The following CTNNA3 variants were observed in gnomAD, a reference collection of about 807,000 sequenced individuals.
CTNNA3 encodes the protein catenin alpha 3.
In CTNNA3, 76 loss-of-function variants were observed where a neutral mutation model predicts 95.7. The ratio of observed to expected loss-of-function variants is 0.79; its 90% CI spans 0.66 to 0.96. CTNNA3 has a LOEUF of 0.96. Ranked by LOEUF, CTNNA3 falls within the 40% of genes least tolerant of loss-of-function variation. The probability of loss-of-function intolerance (pLI) is 0.00; values close to 1 mark genes in which losing one functional copy is unlikely to be tolerated. For synonymous variants in CTNNA3, 431 were observed against 374.4 expected (o/e 1.15, Z -1.74); for missense variants, 1,191 against 1,089.8 (o/e 1.09, Z -1.31).
At chr10:66,751,318 C>A (rs1009825152) in intron 9 of CTNNA3, among the ~76,000 whole-genome samples, 4 of 152,122 alleles carry the variant, frequency 2.6e-5, no homozygotes, top group African/African-American at 9.7e-5. Context: ...TATAGGAAAG[C>A]AATTGACTTT....
At chr10:66,767,532 T>C in intron 8 of CTNNA3, among the ~76,000 whole-genome samples, 1 of 152,096 alleles carries the variant, frequency 6.6e-6, no homozygotes, top group East Asian at 1.9e-4. Flanking sequence ...CAAAGGTTTT[T>C]GAGTCAAGAC....
chr10:66,384,468 T>A (rs1414610451), intron 11 of CTNNA3, among the ~76,000 whole-genome samples: 1 of 152,090 alleles, frequency 6.6e-6, no homozygotes, highest in Non-Finnish European at 1.5e-5. Context: ...ACAAAAAGAC[T>A]TAGACTCTCA....
intron 5 of CTNNA3, among the ~76,000 whole-genome samples, chr10:67,258,811 T>C (rs901283581): frequency 1.3e-5 from 2 of 152,148 alleles, no homozygotes; most frequent in African/African-American, 4.8e-5. Flanking sequence ...TGTTCAAATA[T>C]TCCCTCAAGA....
intron 15 of CTNNA3, among the ~76,000 whole-genome samples, chr10:66,023,391 T>G (rs2079262712): frequency 9.5e-6 from 1 of 105,540 alleles, no homozygotes; most frequent in South Asian, 3.9e-4. Context: ...GAGTTTTAAG[T>G]GGCAAACAGA....
At chr10:66,188,682 T>C (rs2086477110) in intron 13 of CTNNA3, among the ~76,000 whole-genome samples, 2 of 151,450 alleles carry the variant, frequency 1.3e-5, no homozygotes, top group African/African-American at 4.8e-5. Flanking sequence ...TTTGCTTCCA[T>C]ATCATGGCTA....
At chr10:67,286,342 G>T (rs1304997399) in intron 5 of CTNNA3, among the ~76,000 whole-genome samples, 2 of 152,170 alleles carry the variant, frequency 1.3e-5, no homozygotes, top group Non-Finnish European at 2.9e-5. Flanking sequence ...GTGAACATGT[G>T]CTTTAGAGCC....
At chr10:67,698,709 T>A (rs1841009082), upstream of CTNNA3, among the ~76,000 whole-genome samples, 1 of 152,220 alleles carries the variant, frequency 6.6e-6, no homozygotes, top group Non-Finnish European at 1.5e-5. Context: ...GATTTAAAGC[T>A]AGGAATAATC....
intron 4 of CTNNA3, 36 bp downstream of exon 4, chr10:67,539,467 A>C: frequency 3.1e-6 from 5 of 1,606,694 alleles, no homozygotes; most frequent in African/African-American, 1.3e-5. Flanking sequence ...AGAAGTGAAG[A>C]CAATGCCAAG....
chr10:67,483,163 T>A (rs1468893319), intron 5 of CTNNA3, among the ~76,000 whole-genome samples: 1 of 151,818 alleles, frequency 6.6e-6, no homozygotes, highest in Non-Finnish European at 1.5e-5. Context: ...TTTTACACTG[T>A]TGGTGGGACT....
chr10:65,960,059 C>A (rs2077811646), intron 17 of CTNNA3, among the ~76,000 whole-genome samples: 1 of 152,156 alleles, frequency 6.6e-6, no homozygotes, highest in South Asian at 2.1e-4. Context: ...TTATTTTGTT[C>A]TATTGCTAAA....
At position 66,691,334 on chromosome 10, in the gene CTNNA3, C is replaced by G. The variant is rs141148872; in HGVS notation, c.1282-69550G>C. Among the ~76,000 whole-genome samples, 922 of 152,272 alleles carry G rather than the reference C, an allele frequency of 6.1e-3. 10 individuals carry two copies. Among genetic ancestry groups the G allele is most frequent in the African/African-American group, 0.016 (675 of 41,562 alleles). ...CCCACACATGGCTTGCAGGGTCCTA[C>G]GCCCATGGAGTCTCACTCATTGCTG... On this transcript the variant is annotated intron_variant, in intron 9 of 17. Coordinates refer to ENST00000433211, the MANE Select transcript of CTNNA3 (RefSeq NM_013266.4).
At chr10:66,993,174 T>C (rs987993113) in intron 7 of CTNNA3, among the ~76,000 whole-genome samples, 9 of 152,164 alleles carry the variant, frequency 5.9e-5, no homozygotes, top group African/African-American at 2.2e-4. Context: ...GCTGGGGTTT[T>C]CAACTAAAGC....
intron 9 of CTNNA3, among the ~76,000 whole-genome samples, chr10:66,683,005 C>T (rs2894020): frequency 1.4e-4 from 22 of 151,944 alleles, no homozygotes; most frequent in Non-Finnish European, 2.2e-4. Context: ...CAGATCTTAA[C>T]GTTGTACATA....
intron 5 of CTNNA3, among the ~76,000 whole-genome samples, chr10:67,408,129 T>G (rs1212059520): frequency 6.6e-6 from 1 of 152,204 alleles, no homozygotes; most frequent in Admixed American, 6.5e-5. Flanking sequence ...TGCTAATGAA[T>G]AGGAAGAATC....
Position 66,691,967 on chromosome 10 carries a change from G to A in CTNNA3, c.1282-70183C>T, listed in dbSNP as rs200765983. Reference sequence around the variant, plus strand: ...CACACCAAAAACCCATCTGTACATCGCCATCATCAAAGACCAAAAGTAGAT... The same window carrying A: ...CACACCAAAAACCCATCTGTACATCACCATCATCAAAGACCAAAAGTAGAT... On this transcript the variant is annotated intron_variant, in intron 9 of 17. Transcript: ENST00000433211. Among the ~76,000 whole-genome samples, 626 of 149,392 alleles carry A rather than the reference G, an allele frequency of 4.2e-3. 2 individuals carry two copies. Among genetic ancestry groups the A allele is most frequent in the Non-Finnish European group, 7.1e-3 (479 of 67,398 alleles).
At chr10:66,743,020 T>C (rs1214586813) in intron 9 of CTNNA3, among the ~76,000 whole-genome samples, 1 of 152,202 alleles carries the variant, frequency 6.6e-6, no homozygotes, top group Non-Finnish European at 1.5e-5. Flanking sequence ...TTTTCATTGA[T>C]ATGGAGTAAA....
At chr10:66,157,465 TAGAC>T (rs1329823123) in intron 13 of CTNNA3, among the ~76,000 whole-genome samples, 88 of 149,326 alleles carry the variant, frequency 5.9e-4, no homozygotes, top group African/African-American at 1.8e-3. Flanking sequence ...GATAGATAGA[TAGAC>T]AGATGATAGA....
intron 13 of CTNNA3, among the ~76,000 whole-genome samples, chr10:66,249,123 T>C (rs955604021): frequency 6.6e-6 from 1 of 152,092 alleles, no homozygotes; most frequent in African/African-American, 2.4e-5. Flanking sequence ...ACTAGACCCC[T>C]ATCTCTCACC....
At position 67,117,016 on chromosome 10, in the gene CTNNA3, T is replaced by C. The variant is rs542060559; in HGVS notation, c.1047+63301A>G. Among the ~76,000 whole-genome samples the C allele has an allele frequency of 2.0e-5, 3 of 151,860 alleles. No homozygotes were observed. In the East Asian group the frequency reaches 5.8e-4, roughly 29 times the overall value. On this transcript the variant is annotated intron_variant, in intron 7 of 17. Transcript: ENST00000433211. ...TGATGGTGTAAAAGAGGCTTAAATGTGATTCATCTCAAAATCATCAGAATA... is the reference window on the plus strand; with the variant it reads ...TGATGGTGTAAAAGAGGCTTAAATGCGATTCATCTCAAAATCATCAGAATA...
Sources: gnomAD v4.1 joint callset for allele counts (sites outside exome capture counted in the v4.1 genomes callset) on GRCh38, gnomAD v4.1.1 for gene constraint, MANE v1.5 for transcripts, NCBI Gene and HGNC (gene_info 2026-07-23, HGNC 2026-07-21) for gene names.